EDC3: variants seen among roughly 807,000 people sequenced by gnomAD.
EDC3 encodes the protein enhancer of mRNA-decapping protein 3.
A neutral mutation model predicts 41.8 loss-of-function variants in EDC3; 20 were observed. The observed-to-expected ratio is 0.48, with a 90% CI of 0.34 to 0.70. The LOEUF (loss-of-function observed/expected upper bound fraction) is 0.70, where lower values mean the gene tolerates loss of function less well. Ranked by LOEUF, EDC3 falls within the 30% of genes least tolerant of loss-of-function variation. The pLI is 0.01. For missense variants in EDC3, 444 were observed against 636.8 expected (o/e 0.70, Z 3.26); for synonymous variants, 206 against 243.2 (o/e 0.85, Z 1.42).
intron 4 of EDC3, among the ~76,000 whole-genome samples, chr15:74,646,075 T>C (rs2062414810): frequency 6.6e-6 from 1 of 150,720 alleles, no homozygotes; most frequent in African/African-American, 2.4e-5. Flanking sequence ...TTTTTTTTTT[T>C]TTTTTTTGAG....
intron 1 of EDC3, among the ~76,000 whole-genome samples, chr15:74,684,403 C>T (rs2062912131): frequency 6.8e-6 from 1 of 147,678 alleles, no homozygotes; most frequent in African/African-American, 2.5e-5. Context: ...TGAGTTCAAG[C>T]TATCTGCCTA....
intron 4 of EDC3, among the ~76,000 whole-genome samples, chr15:74,648,810 G>A (rs941154289): frequency 2.0e-5 from 3 of 152,184 alleles, no homozygotes; most frequent in Non-Finnish European, 4.4e-5. Context: ...CATACTTGAG[G>A]ACAGAAGAGG....
chr15:74,646,254 G>T (rs2062417309), intron 4 of EDC3, among the ~76,000 whole-genome samples: 1 of 152,128 alleles, frequency 6.6e-6, no homozygotes, highest in African/African-American at 2.4e-5. Context: ...TGTATTATTA[G>T]TAGAGACAGG....
rs192441741 is a variant in EDC3 at position 74,646,012 on chromosome 15, C to T, written c.821-5393G>A. ...AGCCGGGGAAACAGAGAAAATAAAA[C>T]GAGTAGAAATACAGAGACCGTTCCC... is the stretch of plus-strand genomic sequence containing the variant. On this transcript the variant is annotated intron_variant, in intron 4 of 6. Transcript: ENST00000315127. Among the ~76,000 whole-genome samples, 10 of 150,920 alleles carry T rather than the reference C, an allele frequency of 6.6e-5. No homozygotes were observed. In the East Asian group the frequency reaches 1.2e-3, roughly 18 times the overall value.
chr15:74,640,486 G>C lies in EDC3; in HGVS notation c.954C>G (p.Thr318=). The stretch of plus-strand genomic sequence containing the variant: ...TTTACCTGTTAGGTCCTCCGAGGAG[G>C]GTCAGTGCCATCTGACTGGCACACA... ...TGVCASQMAL[T]LLGGPNRLNP... is the part of the protein sequence containing the mutation. Residue 318 remains threonine (T), a synonymous_variant, in exon 5 of 7, where the codon ACC becomes ACG. Transcript: ENST00000315127. 1 of 1,614,132 alleles carries C rather than the reference G, an allele frequency of 6.2e-7. No individual in the cohort carries two copies. The highest frequency in any genetic ancestry group is 8.5e-7 in the Non-Finnish European group (1 of 1,180,020).
chr15:74,677,573 G>A (rs1376273023), intron 1 of EDC3, among the ~76,000 whole-genome samples: 3 of 152,048 alleles, frequency 2.0e-5, no homozygotes, highest in Middle Eastern at 3.4e-3. Flanking sequence ...GTTTCACCAT[G>A]TTGCCCAGGC....
intron 1 of EDC3, among the ~76,000 whole-genome samples, chr15:74,678,240 T>C (rs1415626226): frequency 6.6e-6 from 1 of 152,184 alleles, no homozygotes; most frequent in Admixed American, 6.5e-5. Flanking sequence ...GGACTCTGGA[T>C]GACAACGAAG....
At chr15:74,642,041 G>T (rs2062358872) in intron 4 of EDC3, 1 of 152,158 alleles carries the variant, frequency 6.6e-6, no homozygotes, top group African/African-American at 2.4e-5. Flanking sequence ...ATCTCTTGAG[G>T]TTATCTATCA....
intron 1 of EDC3, among the ~76,000 whole-genome samples, chr15:74,682,028 T>C (rs146571295): frequency 5.8e-4 from 89 of 152,214 alleles, no homozygotes; most frequent in Admixed American, 4.6e-4. Context: ...CCTTTCAAAA[T>C]GGCTAAAATA....
intron 1 of EDC3, among the ~76,000 whole-genome samples, chr15:74,684,129 C>G (rs904775171): frequency 3.4e-5 from 5 of 146,202 alleles, no homozygotes; most frequent in Non-Finnish European, 6.0e-5. Context: ...TCCTGGGCTC[C>G]TGGGCTCAGG....
intron 3 of EDC3, among the ~76,000 whole-genome samples, chr15:74,664,722 A>G (rs1391150770): frequency 3.9e-5 from 6 of 152,204 alleles, no homozygotes. Context: ...TATTAGATAT[A>G]TGAAGCACAT....
At chr15:74,688,272 C>T (rs2062962091) in intron 1 of EDC3, among the ~76,000 whole-genome samples, 1 of 152,180 alleles carries the variant, frequency 6.6e-6, no homozygotes, top group Admixed American at 6.5e-5. Flanking sequence ...CAGCTAACAC[C>T]TCCACGTCAA....
chr15:74,676,532 C>CATAGACATTAAAA (rs1207842799), intron 1 of EDC3, among the ~76,000 whole-genome samples: 2 of 151,872 alleles, frequency 1.3e-5, no homozygotes, highest in Non-Finnish European at 2.9e-5. Flanking sequence ...AAAGAGACAT[C>CATAGACATTAAAA]ATAGACATTA....
chr15:74,630,707 A>G lies in EDC3; in HGVS notation c.*1905T>C, dbSNP rs1235085679. The G allele has an allele frequency of 1.3e-5, 2 of 152,254 alleles. No homozygotes were observed. The highest frequency in any genetic ancestry group is 1.5e-5 in the Non-Finnish European group (1 of 68,092). 9.4% of individuals were successfully genotyped at this position (152,254 alleles called of 1,614,324 possible). A position where few individuals can be genotyped will look rare whatever the true frequency, so the allele number is the denominator to read the frequency against. On this transcript the variant is annotated 3_prime_UTR_variant, in exon 7 of 7. Coordinates refer to ENST00000315127, the MANE Select transcript of EDC3 (RefSeq NM_025083.5). ...GAAAAGAACTGAAGACAGAGGAATC[A>G]TACTTCTCTTTAATACCTCTGGGGA...
chr15:74,675,673 G>A (rs183060574), intron 1 of EDC3, among the ~76,000 whole-genome samples: 6 of 150,530 alleles, frequency 4.0e-5, no homozygotes, highest in Non-Finnish European at 3.0e-5. Context: ...GAGGTCACGA[G>A]ATCAAGACCA....
chr15:74,660,431 A>G (rs970306957), intron 3 of EDC3, among the ~76,000 whole-genome samples: 5 of 149,050 alleles, frequency 3.4e-5, no homozygotes, highest in African/African-American at 1.3e-4. Context: ...ATATATATAT[A>G]TATGTGTGTG....
intron 3 of EDC3, among the ~76,000 whole-genome samples, chr15:74,666,647 C>T (rs778421204): frequency 9.2e-5 from 14 of 152,148 alleles, no homozygotes; most frequent in Non-Finnish European, 1.6e-4. Flanking sequence ...AAATGCAAAA[C>T]TGCAGGGATG....
chr15:74,690,669 C>G (rs1246851126), intron 1 of EDC3, among the ~76,000 whole-genome samples: 2 of 152,136 alleles, frequency 1.3e-5, no homozygotes, highest in African/African-American at 4.8e-5. Context: ...ATATGCAACC[C>G]AGCATGATGG....
intron 1 of EDC3, among the ~76,000 whole-genome samples, chr15:74,694,009 T>A (rs2063038308): frequency 6.6e-6 from 1 of 151,842 alleles, no homozygotes; most frequent in African/African-American, 2.4e-5. Flanking sequence ...AAAAACTTCA[T>A]AAATGCCTTG....
Sources: allele counts gnomAD v4.1 joint callset (sites outside exome capture counted in the v4.1 genomes callset), GRCh38; gene constraint gnomAD v4.1.1; transcripts MANE v1.5; gene names NCBI Gene and HGNC (gene_info 2026-07-23, HGNC 2026-07-21).